Variants in CEP128 observed in about 807,000 individuals in gnomAD.
CEP128 encodes centrosomal protein 128, also known as centrosomal protein 128kDa.
A neutral mutation model predicts 156.7 loss-of-function variants in CEP128; 132 were observed. The observed-to-expected ratio is 0.84, with a 90% confidence interval of 0.73 to 0.97. The LOEUF is 0.97. CEP128 is among the 50% of genes least tolerant of loss of function. The pLI, the probability that CEP128 is intolerant of heterozygous loss-of-function variation, is 0.00. For synonymous variants in CEP128, 469 were observed against 448.9 expected, an observed-to-expected ratio of 1.04 and a Z score of -0.57; for missense variants, 1,252 against 1,281.9, an observed-to-expected ratio of 0.98 and a Z score of 0.36.
chr14:80,868,016 T>C (rs1291906505), intron 8 of CEP128, among the ~76,000 whole-genome samples: 1 of 152,108 alleles, frequency 6.6e-6, no homozygotes, highest in Non-Finnish European at 1.5e-5. Context: ...TCAGTGAATT[T>C]CTCAGCAGAA....
chr14:80,541,055 A>G (rs543326382), intron 21 of CEP128, among the ~76,000 whole-genome samples: 16 of 152,324 alleles, frequency 1.1e-4, no homozygotes, highest in Admixed American at 7.2e-4. Context: ...AGTAAAAAAG[A>G]TCATCAATAA....
chr14:80,837,484 C>T (rs1886138926), intron 11 of CEP128, among the ~76,000 whole-genome samples: 1 of 152,076 alleles, frequency 6.6e-6, no homozygotes, highest in Non-Finnish European at 1.5e-5. Flanking sequence ...TTTGGGAGGC[C>T]GAGGTGGGGA....
chr14:80,612,155 C>A (rs979047024), intron 19 of CEP128, among the ~76,000 whole-genome samples: 29 of 152,260 alleles, frequency 1.9e-4, no homozygotes, highest in Admixed American at 1.1e-3. Context: ...GTAGTACGAG[C>A]CACAAAAATG....
chr14:80,765,762 C>T (rs1900206158), intron 16 of CEP128, among the ~76,000 whole-genome samples: 1 of 151,970 alleles, frequency 6.6e-6, no homozygotes, highest in African/African-American at 2.4e-5. Flanking sequence ...TAAACCAACC[C>T]CTAATTTTAC....
At chr14:80,480,119 A>G (rs1471857491) in intron 14 of CEP128, among the ~76,000 whole-genome samples, 1 of 151,956 alleles carries the variant, frequency 6.6e-6, no homozygotes, top group Non-Finnish European at 1.5e-5. Context: ...GCTGTTGGTG[A>G]AATCTATTAT....
chr14:80,672,689 T>A (rs1166504395), intron 19 of CEP128, among the ~76,000 whole-genome samples: 1 of 152,224 alleles, frequency 6.6e-6, no homozygotes, highest in Non-Finnish European at 1.5e-5. Context: ...GTCCCATTTC[T>A]TTGAAAATTT....
intron 19 of CEP128, among the ~76,000 whole-genome samples, chr14:80,595,628 C>T (rs1323609276): frequency 1.3e-5 from 2 of 152,146 alleles, no homozygotes; most frequent in Non-Finnish European, 2.9e-5. Flanking sequence ...TACTCAAAAA[C>T]ACATGATAAA....
chr14:80,658,289 T>C (rs1298156774), intron 19 of CEP128, among the ~76,000 whole-genome samples: 2 of 152,208 alleles, frequency 1.3e-5, no homozygotes, highest in Non-Finnish European at 2.9e-5. Flanking sequence ...TCTCCTTAGA[T>C]TGTACATCAA....
chr14:80,867,804 A>G lies in CEP128; in HGVS notation c.646-4931T>C, dbSNP rs767598040. On this transcript the variant is annotated intron_variant, in intron 8 of 24. Coordinates refer to ENST00000555265, the MANE Select transcript of CEP128 (RefSeq NM_152446.5). ...GAGATGAGAGGAGTTTACTTAAAGAAATAATAGCAGAAAATTTCCTATATC... is the reference window on the plus strand; with the variant it reads ...GAGATGAGAGGAGTTTACTTAAAGAGATAATAGCAGAAAATTTCCTATATC... Among the ~76,000 whole-genome samples, 72 of 152,350 alleles carry G rather than the reference A, an allele frequency of 4.7e-4. No individual in the cohort carries two copies. The Middle Eastern group carries it at 0.01, about 22-fold the overall frequency.
Position 80,497,392 on chromosome 14 carries a change from T to C in CEP128, c.*87A>G. On this transcript the variant is annotated 3_prime_UTR_variant, in exon 25 of 25. Transcript: ENST00000555265. ...GAGCCAAAGCTGCAGGTATGTCTGTTAGATAATCTGGGCCAAATTGCTGTA... is the reference window on the plus strand; with the variant it reads ...GAGCCAAAGCTGCAGGTATGTCTGTCAGATAATCTGGGCCAAATTGCTGTA... 4 of 849,800 alleles carry C rather than the reference T, an allele frequency of 4.7e-6. No homozygotes were observed. In the Middle Eastern group the frequency reaches 9.7e-4, roughly 207 times the overall value. 52.6% of individuals were successfully genotyped at this position (849,800 alleles called of 1,614,324 possible). A position where few individuals can be genotyped will look rare whatever the true frequency, so the allele number is the denominator to read the frequency against.
intron 8 of CEP128, among the ~76,000 whole-genome samples, chr14:80,867,763 A>G (rs1271376969): frequency 1.3e-5 from 2 of 152,182 alleles, no homozygotes; most frequent in Non-Finnish European, 2.9e-5. Flanking sequence ...TCCCAGAAGG[A>G]GCAAAGAAAG....
At chr14:80,575,156 T>G (rs999461175) in intron 20 of CEP128, among the ~76,000 whole-genome samples, 2 of 150,114 alleles carry the variant, frequency 1.3e-5, no homozygotes, top group Non-Finnish European at 3.0e-5. Context: ...ATATGAAATA[T>G]TCATATACAT....
intron 21 of CEP128, among the ~76,000 whole-genome samples, chr14:80,541,443 TA>T (rs35523389): frequency 0.015 from 1,600 of 109,918 alleles, 13 homozygotes; most frequent in African/African-American, 0.032. Context: ...ATGACTGTGT[TA>T]AAAAAAAAAA....
In CEP128 at chr14:80,675,551, C is replaced by T. The variant is rs956501010; in HGVS notation, c.2806+67524G>A. On this transcript the variant is annotated intron_variant, in intron 19 of 24. Coordinates refer to ENST00000555265, the MANE Select transcript of CEP128 (RefSeq NM_152446.5). ...ACATTTCTTCCTAAGATTATTGGGT[C>T]TATGGGTCTTCTATGAAATGTCTTT... 2.3e-4 allele frequency among the ~76,000 whole-genome samples: 35 copies of T among 151,944 alleles called. 1 individual carries two copies. Among genetic ancestry groups the T allele is most frequent in the Non-Finnish European group, 4.4e-5 (3 of 67,892 alleles).
At chr14:80,956,425 G>C (rs1257455868) in intron 2 of CEP128, among the ~76,000 whole-genome samples, 1 of 152,136 alleles carries the variant, frequency 6.6e-6, no homozygotes, top group Non-Finnish European at 1.5e-5. Context: ...CCAGAACCCT[G>C]CTTTGTGATA....
intron 19 of CEP128, among the ~76,000 whole-genome samples, chr14:80,692,828 G>T (rs1462573637): frequency 5.9e-5 from 9 of 152,146 alleles, no homozygotes; most frequent in Non-Finnish European, 1.3e-4. Context: ...TTTAGATAGA[G>T]AAAGTTTGTT....
chr14:80,493,420 T>C (rs1359399350), downstream of CEP128, among the ~76,000 whole-genome samples: 1 of 152,166 alleles, frequency 6.6e-6, no homozygotes, highest in Non-Finnish European at 1.5e-5. Context: ...TGATATATTG[T>C]TTCAAACATC....
intron 12 of CEP128, among the ~76,000 whole-genome samples, chr14:80,832,788 C>T (rs539573163): frequency 6.6e-6 from 1 of 152,266 alleles, no homozygotes; most frequent in East Asian, 1.9e-4. Context: ...TTTCAAGTAG[C>T]TAATACATCT....
chr14:80,520,213 G>T (rs1888673347), intron 23 of CEP128, among the ~76,000 whole-genome samples: 1 of 152,144 alleles, frequency 6.6e-6, no homozygotes. Context: ...GAGGTCAGGG[G>T]TTGGAGACCA....
Sources: gnomAD v4.1 joint callset for allele counts (sites outside exome capture counted in the v4.1 genomes callset) on GRCh38, gnomAD v4.1.1 for gene constraint, MANE v1.5 for transcripts, NCBI Gene and HGNC (gene_info 2026-07-23, HGNC 2026-07-21) for gene names.